Variants in SAA2 observed in about 807,000 individuals in gnomAD.
SAA2 encodes the protein serum amyloid A-2 protein.
SAA2 carries 5 observed loss-of-function variants against 9.1 expected under a neutral mutation model. The observed-to-expected ratio is 0.55, with a 90% CI of 0.29 to 1.16. The LOEUF (loss-of-function observed/expected upper bound fraction) is 1.16. Ranked by LOEUF, SAA2 falls within the 50% of genes most tolerant of loss-of-function variation. The probability of loss-of-function intolerance (pLI) is 0.09; values close to 1 mark genes in which losing one functional copy is unlikely to be tolerated. For synonymous variants in SAA2, 49 were observed against 59.8 expected, an observed-to-expected ratio of 0.82 and a Z score of 0.83; for missense variants, 94 against 153.8, an observed-to-expected ratio of 0.61 and a Z score of 2.06.
chr11:18,245,611 G>A, intron 3 of SAA2, 96 bp from the exon 4 acceptor site: 3 of 1,522,988 alleles, frequency 2.0e-6, no homozygotes, highest in Non-Finnish European at 2.7e-6. Context: ...GGCTCAGAGA[G>A]GAGCCCAGAA....
Position 18,245,280 on chromosome 11 carries a change from A to T in SAA2, c.*97T>A. On this transcript the variant is annotated 3_prime_UTR_variant, in exon 4 of 4. Coordinates refer to ENST00000256733, the MANE Select transcript of SAA2 (RefSeq NM_030754.5). ...ATTTATTAGATGCCTATTATATGCC[A>T]TATCTCAGCTTCTCTGGACATAGAC... 6.4e-7 allele frequency: 1 copy of T among 1,559,746 alleles called. No individual in the cohort carries two copies. The highest frequency in any genetic ancestry group is 8.7e-7 in the Non-Finnish European group (1 of 1,152,040).
exon 4 of SAA2, chr11:18,239,840 C>T: frequency 7.1e-7 from 1 of 1,418,200 alleles, no homozygotes; most frequent in Middle Eastern, 1.8e-4. Context: ...GCACAGGTTC[C>T]AAAGGCCATG....
chr11:18,245,615 C>T (rs1334427167), intron 3 of SAA2, 100 bp from the exon 4 acceptor site: 3 of 1,497,398 alleles, frequency 2.0e-6, no homozygotes, highest in Middle Eastern at 1.8e-4. Context: ...CAGAGAGGAG[C>T]CCAGAAAGGC....
chr11:18,245,562 G>A (rs749962633), intron 3 of SAA2, 47 bp from the exon 4 acceptor site: 1 of 1,606,288 alleles, frequency 6.2e-7, no homozygotes, highest in Admixed American at 1.7e-5. Flanking sequence ...AGGCCAGTGA[G>A]CAACAGCTCA....
chr11:18,242,528 C>A (rs1438801234), downstream of SAA2: 19 of 471,050 alleles, frequency 4.0e-5, no homozygotes, highest in Non-Finnish European at 4.5e-5. Flanking sequence ...TGAATCTGGG[C>A]AGCCTCAAAC....
intron 2 of SAA2, among the ~76,000 whole-genome samples, chr11:18,247,256 A>G (rs1463281477): frequency 6.6e-6 from 1 of 151,854 alleles, no homozygotes. Context: ...AAACAGAACA[A>G]ACCAGGAAGG....
chr11:18,245,503 C>T lies in SAA2; in HGVS notation c.243G>A (p.Glu81=), dbSNP rs1857480203. ...CACGGCCTGTGAGTCTCTGGATATT[C>T]TCTCTGGCATTGCTGTAGTCCAGGC... ...WAAEVISNAR[E]NIQRLTGRGA... The change falls in exon 4 of 4, where the codon GAG becomes GAA. Residue 81 remains glutamate (E), a synonymous_variant. Coordinates refer to ENST00000256733, the MANE Select transcript of SAA2 (RefSeq NM_030754.5). The T allele has an allele frequency of 6.2e-7, 1 of 1,614,086 alleles. No individual in the cohort carries two copies. The highest frequency in any genetic ancestry group is 1.3e-5 in the African/African-American group (1 of 75,050).
chr11:18,246,659 G>A (rs1448833655), intron 2 of SAA2, among the ~76,000 whole-genome samples: 13 of 152,190 alleles, frequency 8.5e-5, no homozygotes, highest in Non-Finnish European at 1.9e-4. Flanking sequence ...AGCCTCCTGA[G>A]TAGCTGGGAT....
At position 18,247,911 on chromosome 11, in the gene SAA2, G is replaced by A. The variant is rs368165337; in HGVS notation, c.91+10C>T. On this transcript the variant is annotated intron_variant, in intron 2 of 3. Transcript: ENST00000256733. ...TCTTCAGAAATCCTGCAAACCTTCTGAAGCCTTACCATCAAAAGCCTCGCC... is the reference window on the plus strand; with the variant it reads ...TCTTCAGAAATCCTGCAAACCTTCTAAAGCCTTACCATCAAAAGCCTCGCC... 156 of 1,613,888 alleles carry A rather than the reference G, an allele frequency of 9.7e-5. No individual in the cohort carries two copies. The African/African-American group carries it at 1.8e-3, about 19-fold the overall frequency.
At chr11:18,239,611 A>C (rs1857285538) in exon 4 of SAA2, 1 of 407,974 alleles carries the variant, frequency 2.5e-6, no homozygotes, top group African/African-American at 2.1e-5. Flanking sequence ...TCAACTGCTA[A>C]GCAGAATCTG....
At chr11:18,239,731 C>T (rs1857288849) in exon 4 of SAA2, 3 of 486,020 alleles carry the variant, frequency 6.2e-6, no homozygotes, top group Non-Finnish European at 1.1e-5. Context: ...TATCCAGCTT[C>T]TCCTCCAAAC....
In SAA2 at chr11:18,246,970, C is replaced by T. The variant is rs114752055; in HGVS notation, c.92-922G>A. Among the ~76,000 whole-genome samples, 1,377 of 152,212 alleles carry T rather than the reference C, an allele frequency of 9.0e-3. 7 individuals carry two copies. The highest frequency in any genetic ancestry group is 0.015 in the Non-Finnish European group (994 of 68,032). On this transcript the variant is annotated intron_variant, in intron 2 of 3. Transcript: ENST00000256733. ...TGTGTCTGAGATTCATAACCATCAA[C>T]CTCTGGGAGGTGGTCAGTGATGCGT...
downstream of SAA2, among the ~76,000 whole-genome samples, chr11:18,241,411 A>T (rs1355954244): frequency 6.6e-6 from 1 of 152,190 alleles, no homozygotes; most frequent in East Asian, 1.9e-4. Context: ...ATAGATCATT[A>T]TATAAAAAAT....
chr11:18,245,804 G>C, intron 3 of SAA2, 106 bp downstream of exon 3: 1 of 1,395,692 alleles, frequency 7.2e-7, no homozygotes, highest in Non-Finnish European at 9.7e-7. Context: ...AGAAGAGGAG[G>C]GACCACAGCC....
At chr11:18,242,899 C>T (rs1857389875), downstream of SAA2, 1 of 670,394 alleles carries the variant, frequency 1.5e-6, no homozygotes, top group South Asian at 1.6e-5. Flanking sequence ...TGCAATTTCC[C>T]TTTCTCAAAC....
exon 4 of SAA2, chr11:18,239,836 G>T: frequency 7.2e-7 from 1 of 1,396,684 alleles, no homozygotes; most frequent in South Asian, 1.5e-5. Flanking sequence ...CTTAGCACAG[G>T]TTCCAAAGGC....
rs1211253579 is a variant in SAA2 at position 18,245,994 on chromosome 11, C to T, written c.146G>A (p.Gly49Asp). 1.2e-6 allele frequency: 2 copies of T among 1,613,974 alleles called. No individual in the cohort carries two copies. The highest frequency in any genetic ancestry group is 1.3e-5 in the African/African-American group (1 of 74,984). The change falls in exon 3 of 4, where the codon GGC becomes GAC. Residue 49 changes from glycine to aspartate, a missense_variant. Coordinates refer to ENST00000256733, the MANE Select transcript of SAA2 (RefSeq NM_030754.5). ...CCGAGCATGGAAGTATTTGTCTGAG[C>T]CGATGTAATTGGCTTCTCTCATGTC... is the stretch of plus-strand genomic sequence containing the variant. ...YSDMREANYI[G>D]SDKYFHARGN... is the part of the protein sequence containing the mutation.
At chr11:18,247,022 G>A (rs1219324095) in intron 2 of SAA2, among the ~76,000 whole-genome samples, 1 of 152,376 alleles carries the variant, frequency 6.6e-6, no homozygotes, top group African/African-American at 2.4e-5. Flanking sequence ...CTGACCTCAA[G>A]CACAGCCGGG....
chr11:18,241,188 C>T (rs1857335612), downstream of SAA2, among the ~76,000 whole-genome samples: 2 of 151,916 alleles, frequency 1.3e-5, no homozygotes, highest in African/African-American at 4.8e-5. Flanking sequence ...AATGAGATAC[C>T]ATCTCACACA....
Sources: gnomAD v4.1 joint callset for allele counts (sites outside exome capture counted in the v4.1 genomes callset) on GRCh38, gnomAD v4.1.1 for gene constraint, MANE v1.5 for transcripts, NCBI Gene and HGNC (gene_info 2026-07-23, HGNC 2026-07-21) for gene names.